Variants in SYTL5 observed in about 807,000 individuals in gnomAD.
The protein encoded by SYTL5 is synaptotagmin-like protein 5.
In SYTL5, 34 loss-of-function variants were observed where a neutral mutation model predicts 55.9. The ratio of observed to expected loss-of-function variants is 0.61; its 90% CI spans 0.46 to 0.81. The LOEUF is 0.81. Ranked by LOEUF, SYTL5 falls within the 30% of genes least tolerant of loss-of-function variation. The pLI is 0.00. For missense variants in SYTL5, 637 were observed against 546.7 expected, an observed-to-expected ratio of 1.17 and a Z score of -1.65; for synonymous variants, 221 against 188.7, an observed-to-expected ratio of 1.17 and a Z score of -1.40.
chrX:38,063,496 A>G (rs976294687), intron 3 of SYTL5, among the ~76,000 whole-genome samples: 1 of 111,882 alleles, frequency 8.9e-6, no homozygotes, highest in Non-Finnish European at 1.9e-5. Flanking sequence ...TATAGTTTAA[A>G]CAATAATAAA....
At chrX:38,120,267 C>T (rs1474507815) in intron 13 of SYTL5, 91 bp from the exon 14 acceptor site, 6 of 603,469 alleles carry the variant, frequency 9.9e-6, no homozygotes, top group African/African-American at 2.2e-5. Flanking sequence ...CACATTTATG[C>T]CACTAAGTAA....
the SYTL5 span, chrX:37,949,466 C>T: frequency 1.8e-5 from 2 of 111,586 alleles, no homozygotes; most frequent in Non-Finnish European, 3.8e-5. Flanking sequence ...ATTCATATTG[C>T]TATTGCTTGC....
the SYTL5 span, among the ~76,000 whole-genome samples, chrX:37,889,751 T>A: frequency 2.1e-3 from 235 of 111,354 alleles, no homozygotes; most frequent in Admixed American, 4.3e-3. Context: ...TAACAGTTCT[T>A]TGGCTTTTAG....
chrX:38,052,534 C>A (rs1935651767), intron 2 of SYTL5, among the ~76,000 whole-genome samples: 1 of 111,815 alleles, frequency 8.9e-6, no homozygotes, highest in Non-Finnish European at 1.9e-5. Context: ...TGACCTGGTT[C>A]CTGATTCCAT....
intron 1 of SYTL5, among the ~76,000 whole-genome samples, 161 bp from the exon 2 acceptor site, chrX:38,033,373 A>G (rs759254443): frequency 1.8e-5 from 2 of 112,769 alleles, no homozygotes; most frequent in South Asian, 7.3e-4. Context: ...GGTTAAAAAA[A>G]CACTAAATAA....
chrX:38,027,838 T>C (rs1255949267), intron 1 of SYTL5, among the ~76,000 whole-genome samples: 1 of 108,288 alleles, frequency 9.2e-6, no homozygotes, highest in Non-Finnish European at 1.9e-5. Context: ...TTTTTTTTTT[T>C]TTGAGATGGA....
At chrX:37,973,672 C>T in the SYTL5 span, among the ~76,000 whole-genome samples, 4 of 109,930 alleles carry the variant, frequency 3.6e-5, no homozygotes, top group Non-Finnish European at 7.6e-5. Context: ...CTCCCCCAGT[C>T]GCCCAGGCTG....
At chrX:37,948,785 G>A in the SYTL5 span, among the ~76,000 whole-genome samples, 1 of 111,092 alleles carries the variant, frequency 9.0e-6, no homozygotes, top group Non-Finnish European at 1.9e-5. Context: ...TCTTTTTTAT[G>A]GCTGAATAGT....
chrX:37,920,392 C>T, the SYTL5 span, among the ~76,000 whole-genome samples: 4 of 110,155 alleles, frequency 3.6e-5, no homozygotes, highest in Middle Eastern at 4.2e-3. Context: ...GGTAGCTTTT[C>T]CTCCTACACC....
chrX:38,009,067 T>C (rs192830402), intron 1 of SYTL5, among the ~76,000 whole-genome samples: 1 of 111,947 alleles, frequency 8.9e-6, no homozygotes, highest in Non-Finnish European at 1.9e-5. Context: ...AATTCCTACT[T>C]CTTAAATTTT....
chrX:37,954,358 T>C, the SYTL5 span, among the ~76,000 whole-genome samples: 3 of 111,868 alleles, frequency 2.7e-5, no homozygotes, highest in African/African-American at 9.7e-5. Flanking sequence ...TAGGGCTGTG[T>C]GATTTTTCTC....
the SYTL5 span, among the ~76,000 whole-genome samples, chrX:37,914,001 TTTA>T: frequency 2.6e-4 from 29 of 112,112 alleles, no homozygotes; most frequent in Non-Finnish European, 4.9e-4. Flanking sequence ...TGCTGACATT[TTTA>T]TGTCCCTTCT....
chrX:37,971,805 G>T, the SYTL5 span, among the ~76,000 whole-genome samples: 9 of 107,990 alleles, frequency 8.3e-5, no homozygotes, highest in African/African-American at 3.0e-4. Flanking sequence ...TCTTTATTCC[G>T]GCTTTTTTTT....
At chrX:37,893,326 T>C in the SYTL5 span, among the ~76,000 whole-genome samples, 1,349 of 96,283 alleles carry the variant, frequency 0.014, 49 homozygotes, top group African/African-American at 0.051. Context: ...TATAACATAC[T>C]ACACTATATA....
chrX:38,036,791 T>C (rs1208626322), intron 2 of SYTL5, among the ~76,000 whole-genome samples: 5 of 112,253 alleles, frequency 4.5e-5, no homozygotes, highest in African/African-American at 1.6e-4. Flanking sequence ...GATGTTTCCA[T>C]GGATAAATCT....
chrX:37,966,591 C>T, the SYTL5 span, among the ~76,000 whole-genome samples: 1 of 109,013 alleles, frequency 9.2e-6, no homozygotes, highest in Non-Finnish European at 1.9e-5. Context: ...ATGCACGCCA[C>T]CACGTCTGGC....
At chrX:38,062,075 C>A (rs1384642447) in intron 3 of SYTL5, among the ~76,000 whole-genome samples, 1 of 110,681 alleles carries the variant, frequency 9.0e-6, no homozygotes, top group Non-Finnish European at 1.9e-5. Flanking sequence ...TCAAGTGATT[C>A]TCCTGCCTCA....
At chrX:37,919,461 C>T in the SYTL5 span, among the ~76,000 whole-genome samples, 1 of 111,705 alleles carries the variant, frequency 9.0e-6, no homozygotes, top group African/African-American at 3.3e-5. Flanking sequence ...AAATCTCTGT[C>T]TGCCCCATAT....
intron 1 of SYTL5, among the ~76,000 whole-genome samples, chrX:38,017,465 A>C (rs906548597): frequency 3.7e-5 from 4 of 108,763 alleles, no homozygotes; most frequent in African/African-American, 1.4e-4. Flanking sequence ...TACATCATTG[A>C]CTCTGTGTGA....
Sources: allele counts gnomAD v4.1 joint callset (sites outside exome capture counted in the v4.1 genomes callset), GRCh38; gene constraint gnomAD v4.1.1; transcripts MANE v1.5; gene names NCBI Gene and HGNC (gene_info 2026-07-23, HGNC 2026-07-21).